The following SGCZ variants were observed in gnomAD, a reference collection of about 807,000 sequenced individuals.
The protein encoded by SGCZ is zeta-sarcoglycan.
In SGCZ, 40 loss-of-function variants were observed where a neutral mutation model predicts 41.3. That is an observed-to-expected ratio of 0.97 (90% CI 0.75 to 1.26). SGCZ has a LOEUF of 1.26. Among genes scored for constraint, SGCZ ranks in the 50% most tolerant of loss-of-function variants. The pLI is 0.00. For synonymous variants in SGCZ, 206 were observed against 137.5 expected (o/e 1.50, Z -3.49); for missense variants, 552 against 369.8 (o/e 1.49, Z -4.04).
At chr8:14,420,609 G>C (rs1049985196) in intron 2 of SGCZ, among the ~76,000 whole-genome samples, 3 of 151,830 alleles carry the variant, frequency 2.0e-5, no homozygotes, top group Admixed American at 1.3e-4. Flanking sequence ...CTGAAGTTCT[G>C]AGCTCAGAAA....
rs541810663 is a variant in SGCZ at position 14,454,771 on chromosome 8, T to C, written c.234+99961A>G. On this transcript the variant is annotated intron_variant, in intron 2 of 7. Transcript: ENST00000382080. ...TATAAAGGATAAGTGACATTTCAAATCACTAACATAAAGAGGAGCTTTTAA... is the reference window on the plus strand; with the variant it reads ...TATAAAGGATAAGTGACATTTCAAACCACTAACATAAAGAGGAGCTTTTAA... 2.6e-5 allele frequency among the ~76,000 whole-genome samples: 4 copies of C among 152,318 alleles called. No homozygotes were observed. The East Asian group carries it at 5.8e-4, about 22-fold the overall frequency.
intron 4 of SGCZ, among the ~76,000 whole-genome samples, chr8:14,230,627 G>T (rs1213310430): frequency 6.6e-6 from 1 of 151,894 alleles, no homozygotes; most frequent in Non-Finnish European, 1.5e-5. Flanking sequence ...TACTCTCCAT[G>T]ACATTTTTAC....
intron 1 of SGCZ, among the ~76,000 whole-genome samples, chr8:15,089,263 G>T (rs951079322): frequency 1.2e-4 from 18 of 152,136 alleles, no homozygotes; most frequent in South Asian, 6.2e-4. Context: ...AGTCTCTTTT[G>T]TCTCCATTGC....
In SGCZ at chr8:15,167,699, G is replaced by C. The variant is rs554279874; in HGVS notation, c.39+69886C>G. Among the ~76,000 whole-genome samples the C allele has an allele frequency of 1.3e-4, 20 of 151,492 alleles. No homozygotes were observed. The East Asian group carries it at 3.9e-3, about 30-fold the overall frequency. On this transcript the variant is annotated intron_variant, in intron 1 of 7. Coordinates refer to ENST00000382080, the MANE Select transcript of SGCZ (RefSeq NM_139167.4). ...GATGTTTAAAAAAAAATACGGTCTA[G>C]AGAGAGGCAAATTATATTTCAAACT...
intron 1 of SGCZ, among the ~76,000 whole-genome samples, chr8:14,801,638 G>C (rs962471204): frequency 1.3e-5 from 2 of 152,098 alleles, no homozygotes; most frequent in Non-Finnish European, 2.9e-5. Flanking sequence ...ATAAATGTGA[G>C]GAAATTATTA....
rs945167709 is a variant in SGCZ, at chr8:14,305,758, T to C, written c.336+18345A>G. 3.6e-4 allele frequency among the ~76,000 whole-genome samples: 55 copies of C among 152,346 alleles called. 1 individual carries two copies. Among genetic ancestry groups the C allele is most frequent in the African/African-American group, 1.3e-3 (53 of 41,592 alleles). ...CTATTCCTCCAGTCAGTAAGTTGAA[T>C]CAATTTCTTATCACTTAAATCCGGG... On this transcript the variant is annotated intron_variant, in intron 3 of 7. Transcript: ENST00000382080.
chr8:14,591,822 C>T (rs561144490), intron 1 of SGCZ, among the ~76,000 whole-genome samples: 11 of 152,274 alleles, frequency 7.2e-5, no homozygotes, highest in Middle Eastern at 3.4e-3. Context: ...CAGCATGTCT[C>T]TTCTGATAGT....
intron 1 of SGCZ, among the ~76,000 whole-genome samples, chr8:14,682,379 G>C (rs1311956184): frequency 6.6e-6 from 1 of 151,848 alleles, no homozygotes; most frequent in Non-Finnish European, 1.5e-5. Context: ...GTACCACTTT[G>C]TATAAGTAAA....
intron 2 of SGCZ, among the ~76,000 whole-genome samples, chr8:14,509,749 C>A (rs1802414160): frequency 6.6e-6 from 1 of 152,112 alleles, no homozygotes; most frequent in Non-Finnish European, 1.5e-5. Context: ...AATCGACTCA[C>A]AGTTCCTCAT....
At chr8:14,666,319 C>T (rs1807909234) in intron 1 of SGCZ, among the ~76,000 whole-genome samples, 1 of 152,122 alleles carries the variant, frequency 6.6e-6, no homozygotes, top group Non-Finnish European at 1.5e-5. Flanking sequence ...CAATTACTCA[C>T]AATCAGAGAC....
intron 1 of SGCZ, among the ~76,000 whole-genome samples, chr8:15,116,856 C>T (rs1227290036): frequency 2.0e-5 from 3 of 152,132 alleles, no homozygotes; most frequent in Non-Finnish European, 4.4e-5. Context: ...CAGTAATGTT[C>T]CAACTCGGTG....
chr8:14,147,149 C>A (rs749051191), intron 5 of SGCZ, among the ~76,000 whole-genome samples: 2 of 151,894 alleles, frequency 1.3e-5, no homozygotes, highest in African/African-American at 2.4e-5. Context: ...GAAACGAAGT[C>A]ATATCACTGG....
At chr8:15,182,019 G>C (rs190292596) in intron 1 of SGCZ, among the ~76,000 whole-genome samples, 126 of 152,234 alleles carry the variant, frequency 8.3e-4, no homozygotes, top group Admixed American at 2.6e-3. Flanking sequence ...TCATCACTGA[G>C]TATCCATTCA....
intron 1 of SGCZ, among the ~76,000 whole-genome samples, chr8:14,792,614 T>A (rs186357228): frequency 6.6e-6 from 1 of 152,232 alleles, no homozygotes; most frequent in African/African-American, 2.4e-5. Flanking sequence ...ATGTGCACAA[T>A]GTGCAGGTTT....
intron 1 of SGCZ, among the ~76,000 whole-genome samples, chr8:15,217,413 T>C (rs1801442086): frequency 1.3e-5 from 1 of 76,112 alleles, no homozygotes; most frequent in Admixed American, 1.3e-4. Flanking sequence ...CGAGACTCCG[T>C]CTCAAAAAAA....
chr8:14,813,704 C>A (rs1007114105), intron 1 of SGCZ, among the ~76,000 whole-genome samples: 3 of 152,166 alleles, frequency 2.0e-5, no homozygotes, highest in African/African-American at 7.2e-5. Flanking sequence ...GTAATCCCAA[C>A]ACTTTCGGAG....
intron 1 of SGCZ, among the ~76,000 whole-genome samples, chr8:14,831,381 T>C (rs547734969): frequency 6.6e-6 from 1 of 152,132 alleles, no homozygotes; most frequent in Non-Finnish European, 1.5e-5. Flanking sequence ...AGATAATCTA[T>C]GTGTTATCTG....
chr8:14,133,054 C>G (rs1396687260), intron 5 of SGCZ, among the ~76,000 whole-genome samples: 3 of 152,086 alleles, frequency 2.0e-5, no homozygotes, highest in Non-Finnish European at 4.4e-5. Context: ...AAAAAAACCA[C>G]GTTTCTCAGT....
intron 2 of SGCZ, among the ~76,000 whole-genome samples, chr8:14,533,461 G>A (rs1440264677): frequency 6.6e-6 from 1 of 151,860 alleles, no homozygotes; most frequent in Non-Finnish European, 1.5e-5. Flanking sequence ...AACATTCTAT[G>A]CTAATGAGGA....
Sources: gnomAD v4.1 joint callset for allele counts (sites outside exome capture counted in the v4.1 genomes callset) on GRCh38, gnomAD v4.1.1 for gene constraint, MANE v1.5 for transcripts, NCBI Gene and HGNC (gene_info 2026-07-23, HGNC 2026-07-21) for gene names.